The following IGDCC4 variants were observed in gnomAD, a reference collection of about 807,000 sequenced individuals.
IGDCC4 encodes likely ortholog of mouse neighbor of Punc E11.
In IGDCC4, 72 loss-of-function variants were observed where a neutral mutation model predicts 116.6. The ratio of observed to expected loss-of-function variants is 0.62; its 90% confidence interval spans 0.51 to 0.75. The LOEUF (loss-of-function observed/expected upper bound fraction) is 0.75, where lower values mean the gene tolerates loss of function less well. Among genes scored for constraint, IGDCC4 ranks in the 30% least tolerant of loss-of-function variants. The probability of loss-of-function intolerance (pLI) is 0.00; values close to 1 mark genes in which losing one functional copy is unlikely to be tolerated. For missense variants in IGDCC4, 1,501 were observed against 1,662.4 expected, an observed-to-expected ratio of 0.90 and a Z score of 1.69; for synonymous variants, 709 against 719.9, an observed-to-expected ratio of 0.98 and a Z score of 0.24.
chr15:65,419,432 G>C (rs773289824), intron 1 of IGDCC4, among the ~76,000 whole-genome samples: 24 of 152,160 alleles, frequency 1.6e-4, no homozygotes, highest in Non-Finnish European at 2.8e-4. Flanking sequence ...TCACTTGAAA[G>C]AGATATGTTT....
At chr15:65,396,704 G>T (rs1044540496) in intron 6 of IGDCC4, 130 bp downstream of exon 6, 2 of 1,176,660 alleles carry the variant, frequency 1.7e-6, no homozygotes, top group African/African-American at 1.5e-5. Context: ...CCTTACTAGG[G>T]ACTCCTCCCT....
At chr15:65,386,170 T>G (rs1325520060) in intron 17 of IGDCC4, 111 bp from the exon 18 acceptor site, 1 of 707,450 alleles carries the variant, frequency 1.4e-6, no homozygotes, top group African/African-American at 1.8e-5. Flanking sequence ...TCTCTGGGAT[T>G]TGCTTTCCTG....
rs1344085513 is a variant in IGDCC4 at position 65,400,941 on chromosome 15, G to A, written c.706C>T (p.Leu236=). ...ALLSVAHRGS[L]ASTRGQDVVI... is the part of the protein sequence containing the mutation. ...ACGTCCTGCCCCCTGGTGGACGCCA[G>A]GGACCCTGGCGAGAAGACAGACCAG... Residue 236 remains leucine, a synonymous_variant, in exon 5 of 20, where the codon CTG becomes TTG. Transcript: ENST00000352385. 5 of 1,613,978 alleles carry A rather than the reference G, an allele frequency of 3.1e-6. No individual in the cohort carries two copies. The highest frequency in any genetic ancestry group is 1.3e-5 in the African/African-American group (1 of 74,914).
chr15:65,411,096 A>G lies in IGDCC4; in HGVS notation c.345T>C (p.Ile115=). Residue 115 remains isoleucine, a synonymous_variant, in exon 2 of 20, where the codon ATT becomes ATC. Coordinates refer to ENST00000352385, the MANE Select transcript of IGDCC4 (RefSeq NM_020962.3). The stretch of plus-strand genomic sequence containing the variant: ...GGGCTAGGCACGAATAGTTGCCTTC[A>G]ATGACCCCCACAGCCTCAGGGACTG... ...DESVPEAVGV[I]EGNYSCLAHG... The G allele has an allele frequency of 1.2e-6, 2 of 1,614,208 alleles. No homozygotes were observed. Among genetic ancestry groups the G allele is most frequent in the Non-Finnish European group, 1.7e-6 (2 of 1,180,026 alleles).
intron 14 of IGDCC4, 103 bp downstream of exon 14, chr15:65,389,181 G>A (rs866104614): frequency 1.3e-6 from 2 of 1,507,364 alleles, no homozygotes; most frequent in Non-Finnish European, 1.8e-6. Flanking sequence ...TCTGCCCCCA[G>A]CTCTGCCCAA....
chr15:65,395,352 G>GAACA (rs2062913300), intron 7 of IGDCC4, 94 bp from the exon 8 acceptor site: 2 of 1,277,868 alleles, frequency 1.6e-6, no homozygotes, highest in Admixed American at 2.1e-5. Context: ...TTGTCCTGGT[G>GAACA]TCTATTTATA....
chr15:65,397,666 TAAAA>T (rs59114878), intron 5 of IGDCC4, among the ~76,000 whole-genome samples: 1 of 114,638 alleles, frequency 8.7e-6, no homozygotes. Context: ...TCCGTCTCTA[TAAAA>T]AAAAAAAAAA....
intron 18 of IGDCC4, among the ~76,000 whole-genome samples, 174 bp from the exon 19 acceptor site, chr15:65,385,289 C>A (rs1357720935): frequency 2.0e-5 from 3 of 152,108 alleles, no homozygotes; most frequent in Non-Finnish European, 4.4e-5. Context: ...TCAGAGTCAG[C>A]GGGGTAATCT....
chr15:65,388,159 G>A (rs1345898769), intron 16 of IGDCC4, among the ~76,000 whole-genome samples: 4 of 151,758 alleles, frequency 2.6e-5, no homozygotes, highest in East Asian at 1.9e-4. Flanking sequence ...CAGCAGAATC[G>A]CTTGAACCTG....
chr15:65,409,887 C>T (rs1157881650), intron 3 of IGDCC4, among the ~76,000 whole-genome samples: 2 of 152,206 alleles, frequency 1.3e-5, no homozygotes, highest in Non-Finnish European at 2.9e-5. Context: ...CCTCTCTGGC[C>T]TTCAGTCTCC....
Position 65,393,163 on chromosome 15 carries a change from T to C in IGDCC4, c.1885+198A>G, listed in dbSNP as rs770159150. Among the ~76,000 whole-genome samples, 15 of 152,178 alleles carry C rather than the reference T, an allele frequency of 9.9e-5. No homozygotes were observed. The highest frequency in any genetic ancestry group is 2.1e-4 in the Non-Finnish European group (14 of 68,004). ...AAGCCTCAGAATGGTTTGTCCAAGG[T>C]CACACAGCAAATCGAAGGGACACCA... On this transcript the variant is annotated intron_variant, in intron 10 of 19. Coordinates refer to ENST00000352385, the MANE Select transcript of IGDCC4 (RefSeq NM_020962.3). The surrounding 1 kb of genome is among the most constrained non-coding windows in gnomAD (Gnocchi z 4.6).
intron 16 of IGDCC4, among the ~76,000 whole-genome samples, 174 bp downstream of exon 16, chr15:65,388,275 G>A (rs1458962968): frequency 2.0e-5 from 3 of 148,156 alleles, no homozygotes; most frequent in Middle Eastern, 3.6e-3. Context: ...AGTCCCCCAC[G>A]AACCTGGCCT....
At chr15:65,418,822 T>TG (rs200785402) in intron 1 of IGDCC4, among the ~76,000 whole-genome samples, 1,685 of 150,514 alleles carry the variant, frequency 0.011, 27 homozygotes, top group African/African-American at 0.034. Flanking sequence ...TAGAAAGAGG[T>TG]GGGGGGGGTT....
Position 65,386,034 on chromosome 15 carries a change from T to A in IGDCC4, c.2977A>T (p.Thr993Ser). The stretch of plus-strand genomic sequence containing the variant: ...AGCGCGGGATTCCCGGGGGTGGCGG[T>A]GGAGGACAGGCCTGGGAGGGATTCC... ...HRESLPGLSS[T>S]ATPGNPALYS... is the part of the protein sequence containing the mutation. Residue 993 changes from threonine to serine, a missense_variant, in exon 18 of 20, where the codon ACC becomes TCC. Physicochemically the swap from Thr to Ser is moderately conservative, Grantham distance 58. This residue lies in a region of IGDCC4 where 368 missense variants were observed against 355.6 expected (regional missense o/e 1.03). Coordinates refer to ENST00000352385, the MANE Select transcript of IGDCC4 (RefSeq NM_020962.3). The A allele has an allele frequency of 6.5e-7, 1 of 1,540,956 alleles. No individual in the cohort carries two copies. Among genetic ancestry groups the A allele is most frequent in the Non-Finnish European group, 8.7e-7 (1 of 1,146,976 alleles).
At position 65,422,838 on chromosome 15, in the gene IGDCC4, C is replaced by A; in HGVS notation, c.25G>T (p.Gly9Cys). The A allele has an allele frequency of 8.3e-7, 1 of 1,210,420 alleles. No individual in the cohort carries two copies. The highest frequency in any genetic ancestry group is 4.5e-5 in the Admixed American group (1 of 22,002). The allele number at this position is 1,210,420 out of a possible 1,614,324, so 75.0% of individuals were successfully genotyped here. A position where few individuals can be genotyped will look rare whatever the true frequency, so the allele number is the denominator to read the frequency against. ...AAGGTCAACGCGAGGAGCCCGCGGCCGCGGCCGGCGTCCCCCCGCGCCATG... is the reference window on the plus strand; with the variant it reads ...AAGGTCAACGCGAGGAGCCCGCGGCAGCGGCCGGCGTCCCCCCGCGCCATG... MARGDAGR[G>C]RGLLALTFCL... The change falls in exon 1 of 20, where the codon GGC becomes TGC. Residue 9 changes from glycine (G) to cysteine (C), a missense_variant. Around this residue, in one of 3 missense-constraint regions of IGDCC4, gnomAD observed 898 missense variants for 978.9 expected, o/e 0.92. Coordinates refer to ENST00000352385, the MANE Select transcript of IGDCC4 (RefSeq NM_020962.3).
intron 10 of IGDCC4, among the ~76,000 whole-genome samples, 186 bp from the exon 11 acceptor site, chr15:65,392,556 G>A (rs535250159): frequency 6.6e-6 from 1 of 152,168 alleles, no homozygotes; most frequent in Non-Finnish European, 1.5e-5. Context: ...TGCCAGTCCT[G>A]GGCTTGGTCT....
In IGDCC4 at chr15:65,386,630, C is replaced by A; in HGVS notation, c.2872G>T (p.Gly958Cys). Residue 958 changes from glycine (G) to cysteine (C), a missense_variant, in exon 17 of 20, where the codon GGC becomes TGC. Physicochemically the swap from Gly to Cys is radical, Grantham distance 159. Transcript: ENST00000352385. ...SDSLDMHSVT[G>C]IIVGVCLGLL... Reference sequence around the variant, plus strand: ...CCCAGGCAGACACCCACGATGATGCCCGTGACTGAGTGCATGTCCAGCGAG... The same window carrying A: ...CCCAGGCAGACACCCACGATGATGCACGTGACTGAGTGCATGTCCAGCGAG... 6.2e-7 allele frequency: 1 copy of A among 1,612,468 alleles called. No homozygotes were observed. Among genetic ancestry groups the A allele is most frequent in the Non-Finnish European group, 8.5e-7 (1 of 1,179,756 alleles).
rs749933351 is a variant in IGDCC4, at chr15:65,395,256, T to C, written c.1414A>G (p.Met472Val). Reference protein sequence around the residue: ...FSLHYQKARGMDNVEYQFAVN... With the variant: ...FSLHYQKARGVDNVEYQFAVN... ...GCAAACTGGTATTCCACATTGTCCA[T>C]GCCTGGTGACACGGGGGACAAGGGG... is the stretch of plus-strand genomic sequence containing the variant. Residue 472 changes from methionine (M) to valine (V), a missense_variant and splice_region_variant, in exon 8 of 20, where the codon ATG (methionine) becomes GTG (valine). Coordinates refer to ENST00000352385, the MANE Select transcript of IGDCC4 (RefSeq NM_020962.3). The C allele has an allele frequency of 1.5e-5, 24 of 1,609,030 alleles. No homozygotes were observed. The highest frequency in any genetic ancestry group is 2.0e-5 in the Non-Finnish European group (24 of 1,176,058).
chr15:65,393,913 C>T lies in IGDCC4; in HGVS notation c.1715-382G>A, dbSNP rs934132523. Among the ~76,000 whole-genome samples the T allele has an allele frequency of 1.1e-4, 17 of 152,334 alleles. No individual in the cohort carries two copies. The highest frequency in any genetic ancestry group is 4.1e-4 in the African/African-American group (17 of 41,586). ...AGAGCCCTGAGGGCCACCATGGCCA[C>T]TTCCTCACCCTTCCCTCCTTCCTCA... is the stretch of plus-strand genomic sequence containing the variant. On this transcript the variant is annotated intron_variant, in intron 9 of 19. Transcript: ENST00000352385. The surrounding 1 kb of genome is among the most constrained non-coding windows in gnomAD (Gnocchi z 4.6).
Sources: allele counts gnomAD v4.1 joint callset (sites outside exome capture counted in the v4.1 genomes callset), GRCh38; gene constraint gnomAD v4.1.1; regional missense constraint gnomAD v4.1.1; non-coding constraint Gnocchi (gnomAD v3.1); transcripts MANE v1.5; gene names NCBI Gene and HGNC (gene_info 2026-07-23, HGNC 2026-07-21).